The following RTL4 variants were observed in gnomAD, a reference collection of about 807,000 sequenced individuals.
RTL4 encodes retrotransposon Gag-like protein 4.
In RTL4, 4 loss-of-function variants were observed where a neutral mutation model predicts 5.3. The observed-to-expected ratio is 0.75, with a 90% confidence interval of 0.37 to 1.72. The LOEUF is 1.72. Ranked by LOEUF, RTL4 falls within the 40% of genes most tolerant of loss-of-function variation. The pLI, the probability that RTL4 is intolerant of heterozygous loss-of-function variation, is 0.04. For missense variants in RTL4, 260 were observed against 227.1 expected (o/e 1.14, Z -0.93); for synonymous variants, 98 against 87.3 (o/e 1.12, Z -0.68).
chrX:112,262,437 GA>G, the RTL4 span, among the ~76,000 whole-genome samples: 9 of 112,208 alleles, frequency 8.0e-5, no homozygotes, highest in South Asian at 1.9e-3. Context: ...ACAGACACAT[GA>G]AAAAATGCTC....
chrX:112,400,436 C>T, the RTL4 span, among the ~76,000 whole-genome samples: 2 of 111,510 alleles, frequency 1.8e-5, no homozygotes, highest in Non-Finnish European at 3.8e-5. Flanking sequence ...ATGTCCAATC[C>T]TTCTTCTAGT....
chrX:112,107,295 A>G, the RTL4 span, among the ~76,000 whole-genome samples: 1 of 111,901 alleles, frequency 8.9e-6, no homozygotes, highest in Non-Finnish European at 1.9e-5. Flanking sequence ...TGTAACTGTT[A>G]TTATTTTAAT....
the RTL4 span, among the ~76,000 whole-genome samples, chrX:112,111,033 G>A: frequency 1.8e-5 from 2 of 112,189 alleles, no homozygotes; most frequent in Non-Finnish European, 3.8e-5. Flanking sequence ...GGGTCACGGA[G>A]AAGACCTTCA....
the RTL4 span, among the ~76,000 whole-genome samples, chrX:112,185,414 C>T: frequency 1.7e-4 from 17 of 100,762 alleles, no homozygotes; most frequent in African/African-American, 5.4e-4. Context: ...CACACACACA[C>T]ATATATTAGT....
chrX:112,135,131 A>T, the RTL4 span, among the ~76,000 whole-genome samples: 1 of 112,430 alleles, frequency 8.9e-6, no homozygotes, highest in Non-Finnish European at 1.9e-5. Flanking sequence ...TTGCCAAATT[A>T]TTTACCAAAG....
At chrX:112,457,453 T>G (rs1242544425), downstream of RTL4, among the ~76,000 whole-genome samples, 1 of 111,582 alleles carries the variant, frequency 9.0e-6, no homozygotes, top group Non-Finnish European at 1.9e-5. Context: ...AGAGTGACTC[T>G]GAAATTACCT....
the RTL4 span, among the ~76,000 whole-genome samples, chrX:112,146,633 G>C: frequency 9.1e-6 from 1 of 110,014 alleles, no homozygotes; most frequent in South Asian, 4.0e-4. Context: ...GGAAGCAGGA[G>C]GTCAGTGAGG....
the RTL4 span, among the ~76,000 whole-genome samples, chrX:112,289,777 G>A: frequency 9.7e-6 from 1 of 102,893 alleles, no homozygotes; most frequent in Non-Finnish European, 1.9e-5. Flanking sequence ...TAATATATGT[G>A]TGTGTGTGTG....
the RTL4 span, among the ~76,000 whole-genome samples, chrX:112,115,607 A>C: frequency 8.9e-6 from 1 of 111,738 alleles, no homozygotes; most frequent in Non-Finnish European, 1.9e-5. Flanking sequence ...TACTTTGAGG[A>C]GGGATCCTAA....
At chrX:112,365,613 C>T in the RTL4 span, among the ~76,000 whole-genome samples, 5 of 111,182 alleles carry the variant, frequency 4.5e-5, no homozygotes, top group Admixed American at 3.8e-4. Flanking sequence ...AAAGAGTTAC[C>T]CAGAGAACCC....
the RTL4 span, among the ~76,000 whole-genome samples, chrX:112,377,739 T>C: frequency 8.9e-6 from 1 of 111,742 alleles, no homozygotes; most frequent in Non-Finnish European, 1.9e-5. Context: ...GCAGCCTTGT[T>C]GTTTGAGATA....
the RTL4 span, among the ~76,000 whole-genome samples, chrX:112,100,541 T>C: frequency 1.8e-5 from 2 of 111,993 alleles, no homozygotes; most frequent in Non-Finnish European, 3.8e-5. Flanking sequence ...GACATTATCA[T>C]ACCTGTATTA....
At chrX:112,319,184 T>C in the RTL4 span, among the ~76,000 whole-genome samples, 150 of 112,063 alleles carry the variant, frequency 1.3e-3, 2 homozygotes, top group East Asian at 0.023. Context: ...TCTGGATGTC[T>C]CTTTTAGGCC....
chrX:112,306,400 A>C, the RTL4 span, among the ~76,000 whole-genome samples: 1 of 111,481 alleles, frequency 9.0e-6, no homozygotes, highest in South Asian at 3.8e-4. Flanking sequence ...AGAATTTACC[A>C]TGTGTAATCT....
At chrX:112,136,006 C>T in the RTL4 span, among the ~76,000 whole-genome samples, 3 of 109,058 alleles carry the variant, frequency 2.8e-5, no homozygotes, top group Non-Finnish European at 5.7e-5. Flanking sequence ...TATAAAGGGT[C>T]TTGAGTGTTT....
At chrX:112,372,082 A>AAAAC in the RTL4 span, among the ~76,000 whole-genome samples, 11 of 112,163 alleles carry the variant, frequency 9.8e-5, no homozygotes, top group Non-Finnish European at 1.9e-4. Context: ...CAAAATTAAA[A>AAAAC]AAACATTTAT....
the RTL4 span, among the ~76,000 whole-genome samples, chrX:112,419,611 G>GTATATATA: frequency 2.9e-5 from 1 of 34,724 alleles, no homozygotes; most frequent in Admixed American, 4.3e-4. Context: ...ATATGTATAT[G>GTATATATA]TATATATATA....
At chrX:112,265,815 T>C in the RTL4 span, among the ~76,000 whole-genome samples, 1 of 107,707 alleles carries the variant, frequency 9.3e-6, no homozygotes, top group African/African-American at 3.4e-5. Context: ...CCTCCATGCA[T>C]AACCTTAACC....
the RTL4 span, among the ~76,000 whole-genome samples, chrX:112,435,178 G>C: frequency 9.0e-6 from 1 of 111,155 alleles, no homozygotes; most frequent in Non-Finnish European, 1.9e-5. Flanking sequence ...GATTTCGGTT[G>C]GGACACAGAG....
Sources: allele counts gnomAD v4.1 joint callset (sites outside exome capture counted in the v4.1 genomes callset), GRCh38; gene constraint gnomAD v4.1.1; transcripts MANE v1.5; gene names NCBI Gene and HGNC (gene_info 2026-07-23, HGNC 2026-07-21).